The following EPB41L4B variants were observed in gnomAD, a reference collection of about 807,000 sequenced individuals.
EPB41L4B encodes the protein band 4.1-like protein 4B.
EPB41L4B carries 30 observed loss-of-function variants against 112.5 expected under a neutral mutation model. The observed-to-expected ratio is 0.27, with a 90% CI of 0.20 to 0.36. The LOEUF is 0.36. Among genes scored for constraint, EPB41L4B ranks in the 10% least tolerant of loss-of-function variants. EPB41L4B has a pLI of 1.00. For synonymous variants in EPB41L4B, 408 were observed against 439.7 expected, an observed-to-expected ratio of 0.93 and a Z score of 0.90; for missense variants, 1,024 against 1,133.3, an observed-to-expected ratio of 0.90 and a Z score of 1.38.
chr9:109,204,923 T>C (rs1832945073), intron 18 of EPB41L4B, among the ~76,000 whole-genome samples: 2 of 152,312 alleles, frequency 1.3e-5, no homozygotes, highest in South Asian at 4.1e-4. Flanking sequence ...AGCAGTATAC[T>C]TGGCTGTGCA....
Position 109,255,849 on chromosome 9 carries a change from C to A in EPB41L4B, c.930-6G>T, listed in dbSNP as rs1564298089. On this transcript the variant is annotated splice_polypyrimidine_tract_variant and splice_region_variant and intron_variant, in intron 9 of 25. Coordinates refer to ENST00000374566, the MANE Select transcript of EPB41L4B (RefSeq NM_019114.5). ...CCATTTTGGTAATTTTAGGCCTAGT[C>A]AGACAGAAAGCATTTTAAAAGCACA... The A allele has an allele frequency of 6.2e-7, 1 of 1,612,110 alleles. No homozygotes were observed. Among genetic ancestry groups the A allele is most frequent in the African/African-American group, 1.3e-5 (1 of 74,940 alleles).
intron 1 of EPB41L4B, among the ~76,000 whole-genome samples, chr9:109,288,811 G>T (rs912062760): frequency 6.6e-6 from 1 of 150,816 alleles, no homozygotes; most frequent in Admixed American, 6.6e-5. Context: ...TGAGGTGGGA[G>T]GATCACTTGA....
intron 1 of EPB41L4B, among the ~76,000 whole-genome samples, chr9:109,303,656 T>G (rs1399592796): frequency 3.2e-4 from 48 of 151,326 alleles, no homozygotes; most frequent in Non-Finnish European, 1.5e-4. Context: ...CCTGGCTGGG[T>G]TTTTTTTCTT....
At chr9:109,218,596 A>G (rs1252326770) in intron 15 of EPB41L4B, among the ~76,000 whole-genome samples, 2 of 151,952 alleles carry the variant, frequency 1.3e-5, no homozygotes, top group South Asian at 2.1e-4. Flanking sequence ...AAAAGCCACA[A>G]TCCTTTATGT....
At chr9:109,298,772 T>C (rs1360372633) in intron 1 of EPB41L4B, among the ~76,000 whole-genome samples, 4 of 152,142 alleles carry the variant, frequency 2.6e-5, no homozygotes, top group African/African-American at 9.7e-5. Context: ...AGTTGACCAA[T>C]TTTCGCTAAC....
intron 1 of EPB41L4B, among the ~76,000 whole-genome samples, chr9:109,315,465 C>T (rs1428247228): frequency 6.6e-6 from 1 of 152,148 alleles, no homozygotes; most frequent in Non-Finnish European, 1.5e-5. Flanking sequence ...TGTTCTATTT[C>T]CAACTGCCAG....
At chr9:109,233,854 T>C (rs543720297) in intron 15 of EPB41L4B, among the ~76,000 whole-genome samples, 12 of 152,234 alleles carry the variant, frequency 7.9e-5, no homozygotes, top group Non-Finnish European at 1.0e-4. Context: ...TTTAAAAAAA[T>C]GTCTGGTAAA....
intron 14 of EPB41L4B, among the ~76,000 whole-genome samples, chr9:109,245,873 G>A (rs922061502): frequency 1.3e-5 from 2 of 152,210 alleles, no homozygotes; most frequent in South Asian, 4.1e-4. Flanking sequence ...GCCTAGATGA[G>A]TTTCAGTAGA....
chr9:109,201,614 T>C (rs1832835809), intron 19 of EPB41L4B, among the ~76,000 whole-genome samples: 1 of 152,098 alleles, frequency 6.6e-6, no homozygotes, highest in African/African-American at 2.4e-5. Flanking sequence ...AGGGAGCACA[T>C]GAATTTGCTT....
At chr9:109,197,599 T>C (rs1832684546) in intron 20 of EPB41L4B, among the ~76,000 whole-genome samples, 1 of 152,056 alleles carries the variant, frequency 6.6e-6, no homozygotes, top group Admixed American at 6.6e-5. Flanking sequence ...CAGAATACTT[T>C]GGGGCAGCTT....
rs142437858 is a variant in EPB41L4B, at chr9:109,237,002, G to A, written c.1409+6616C>T. Among the ~76,000 whole-genome samples the A allele has an allele frequency of 9.2e-5, 14 of 152,338 alleles. No homozygotes were observed. In the East Asian group the frequency reaches 2.7e-3, roughly 29 times the overall value. ...CTGATCCGAAGGGATCAATATGGCTGTTCAGGGAGTTCTTTAATGAGCTCA... is the reference window on the plus strand; with the variant it reads ...CTGATCCGAAGGGATCAATATGGCTATTCAGGGAGTTCTTTAATGAGCTCA... On this transcript the variant is annotated intron_variant, in intron 15 of 25. Transcript: ENST00000374566.
rs529532344 is a variant in EPB41L4B at position 109,278,712 on chromosome 9, C to T, written c.411+1105G>A. Among the ~76,000 whole-genome samples, 3 of 152,242 alleles carry T rather than the reference C, an allele frequency of 2.0e-5. No individual in the cohort carries two copies. In the East Asian group the frequency reaches 5.8e-4, roughly 29 times the overall value. ...TCCTCGCCTTTATTTTTCTTGACTC[C>T]TATTACCATCTGGCATATGACATAT... On this transcript the variant is annotated intron_variant, in intron 2 of 25. Transcript: ENST00000374566.
chr9:109,297,564 C>T (rs568662537), intron 1 of EPB41L4B, among the ~76,000 whole-genome samples: 4 of 152,310 alleles, frequency 2.6e-5, no homozygotes, highest in South Asian at 2.1e-4. Flanking sequence ...TCATGTGGCA[C>T]AGTCACGGCT....
chr9:109,186,483 T>C (rs551930950), intron 22 of EPB41L4B, among the ~76,000 whole-genome samples: 1 of 151,194 alleles, frequency 6.6e-6, no homozygotes, highest in South Asian at 2.1e-4. Context: ...TACCATGCCA[T>C]ATTTTTTAAG....
Position 109,172,326 on chromosome 9 carries a change from G to C in EPB41L4B, c.*2228C>G, listed in dbSNP as rs1831660138. Reference sequence around the variant, plus strand: ...AAGCCTCAGAAAGCAGGTTAGAAGAGGAAGAGGGTGCTGGGTTGGCAAGAA... The same window carrying C: ...AAGCCTCAGAAAGCAGGTTAGAAGACGAAGAGGGTGCTGGGTTGGCAAGAA... On this transcript the variant is annotated 3_prime_UTR_variant, in exon 26 of 26. Coordinates refer to ENST00000374566, the MANE Select transcript of EPB41L4B (RefSeq NM_019114.5). The C allele has an allele frequency of 6.6e-6, 1 of 152,242 alleles. No homozygotes were observed. The highest frequency in any genetic ancestry group is 2.1e-4 in the South Asian group (1 of 4,826). The allele number at this position is 152,242 out of a possible 1,614,324, so 9.4% of individuals were successfully genotyped here.
chr9:109,256,559 G>C (rs1450978821), intron 7 of EPB41L4B, 79 bp from the exon 8 acceptor site: 6 of 1,230,888 alleles, frequency 4.9e-6, no homozygotes, highest in Middle Eastern at 1.9e-4. Flanking sequence ...CCTTACTATG[G>C]AACGTTATGC....
At chr9:109,232,652 G>A (rs779830084) in intron 15 of EPB41L4B, among the ~76,000 whole-genome samples, 17 of 152,084 alleles carry the variant, frequency 1.1e-4, no homozygotes, top group Admixed American at 3.3e-4. Context: ...TATTCATCCC[G>A]GAATGTAGTT....
chr9:109,217,897 A>G (rs899476018), intron 15 of EPB41L4B, among the ~76,000 whole-genome samples: 2 of 147,134 alleles, frequency 1.4e-5, no homozygotes, highest in Non-Finnish European at 3.0e-5. Context: ...ATTCCAGTGG[A>G]CCACCTCCTT....
In EPB41L4B at chr9:109,320,532, G is replaced by T; in HGVS notation, c.-86C>A. 1.2e-6 allele frequency: 1 copy of T among 809,240 alleles called. No homozygotes were observed. Among genetic ancestry groups the T allele is most frequent in the Non-Finnish European group, 1.5e-6 (1 of 673,148 alleles). The allele number at this position is 809,240 out of a possible 1,614,324, so 50.1% of individuals were successfully genotyped here. ...CTGCGCCGCCGCCCGGGAGCGTCCC[G>T]CGACGCCGTCAGTGCCCTCGGCCGC... On this transcript the variant is annotated 5_prime_UTR_variant, in exon 1 of 26. Transcript: ENST00000374566.
Sources: allele counts gnomAD v4.1 joint callset (sites outside exome capture counted in the v4.1 genomes callset), GRCh38; gene constraint gnomAD v4.1.1; transcripts MANE v1.5; gene names NCBI Gene and HGNC (gene_info 2026-07-23, HGNC 2026-07-21).